The following AFDN variants were observed in gnomAD, a reference collection of about 807,000 sequenced individuals.
AFDN encodes afadin.
AFDN carries 68 observed loss-of-function variants against 216.6 expected under a neutral mutation model. The ratio of observed to expected loss-of-function variants is 0.31; its 90% CI spans 0.26 to 0.38. The LOEUF (loss-of-function observed/expected upper bound fraction) is 0.38, where lower values mean the gene tolerates loss of function less well. AFDN is among the 10% of genes least tolerant of loss of function. The pLI is 1.00. For missense variants in AFDN, 2,136 were observed against 2,342.0 expected (o/e 0.91, Z 1.82); for synonymous variants, 868 against 853.7 (o/e 1.02, Z -0.29).
rs912823789 is a variant in AFDN at position 167,970,662 on chromosome 6, T to G, written c.*727T>G. 1 of 209,228 alleles carries G rather than the reference T, an allele frequency of 4.8e-6. No individual in the cohort carries two copies. The highest frequency in any genetic ancestry group is 2.3e-5 in the African/African-American group (1 of 44,110). 13.0% of individuals were successfully genotyped at this position (209,228 alleles called of 1,614,324 possible). ...GGATTTAAGCTTAGGGGATTTTATTTTTATAAATACCAGATTATTGTTAGA... is the reference window on the plus strand; with the variant it reads ...GGATTTAAGCTTAGGGGATTTTATTGTTATAAATACCAGATTATTGTTAGA... On this transcript the variant is annotated 3_prime_UTR_variant, in exon 34 of 34. Coordinates refer to ENST00000683244, the MANE Select transcript of AFDN (RefSeq NM_001386888.1).
chr6:167,857,118 A>G (rs565758497), intron 1 of AFDN, among the ~76,000 whole-genome samples: 3 of 152,264 alleles, frequency 2.0e-5, no homozygotes, highest in South Asian at 4.1e-4. Flanking sequence ...ATGGAAGAGG[A>G]AAGTATCTTG....
rs1326466203 is a variant in AFDN at position 167,951,213 on chromosome 6, C to T, written c.3859C>T (p.Arg1287Ter). Residue 1287 changes from arginine to a stop codon, truncating the protein, a stop_gained, in exon 30 of 34, where the codon CGA (arginine) becomes TGA (stop). Coordinates refer to ENST00000683244, the MANE Select transcript of AFDN (RefSeq NM_001386888.1). LOFTEE classifies it high-confidence loss of function. This position sits in a 1 kb window ranked among gnomAD's most constrained non-coding sequence, Gnocchi z 7.1. ...QRVTRSQEEL[R>*]EDKAYQLERH... ...TGTTACACGTTCCCAAGAAGAACTT[C>T]GAGAAGATAAAGCTTACCAACTTGA... 1 of 1,568,198 alleles carries T rather than the reference C, an allele frequency of 6.4e-7. No individual in the cohort carries two copies. The highest frequency in any genetic ancestry group is 8.6e-7 in the Non-Finnish European group (1 of 1,160,348).
chr6:167,844,119 T>G (rs1011336197), intron 1 of AFDN, among the ~76,000 whole-genome samples: 5 of 152,052 alleles, frequency 3.3e-5, no homozygotes, highest in Admixed American at 6.6e-5. Flanking sequence ...ACATAGCCAC[T>G]GTAAGGAATT....
chr6:167,942,628 T>C (rs939464335), intron 23 of AFDN, among the ~76,000 whole-genome samples: 4 of 152,332 alleles, frequency 2.6e-5, no homozygotes, highest in South Asian at 4.1e-4. Context: ...TGCTTTGATA[T>C]TTATTTACAG....
At chr6:167,943,588 T>G in intron 25 of AFDN, 113 bp downstream of exon 25, 1 of 811,196 alleles carries the variant, frequency 1.2e-6, no homozygotes, top group East Asian at 2.4e-5. Context: ...ATATTACTCT[T>G]TACCTTTTAT....
At position 167,943,202 on chromosome 6, in the gene AFDN, T is replaced by A; in HGVS notation, c.3165+8T>A. The stretch of plus-strand genomic sequence containing the variant: ...GGAGGTGCTGCAGATGTGGTCAGTA[T>A]CATTTTGAAAGAAGTACATTTTCAG... On this transcript the variant is annotated splice_region_variant and intron_variant, in intron 24 of 33. Transcript: ENST00000683244. 1 of 1,610,350 alleles carries A rather than the reference T, an allele frequency of 6.2e-7. No homozygotes were observed. Among genetic ancestry groups the A allele is most frequent in the South Asian group, 1.1e-5 (1 of 90,512 alleles).
intron 30 of AFDN, chr6:167,954,598 G>T: frequency 1.1e-6 from 1 of 924,012 alleles, no homozygotes; most frequent in South Asian, 1.8e-5. Context: ...TCTCCTTAGG[G>T]GTGTCCTCCA....
At chr6:167,842,852 C>T (rs1047749872) in intron 1 of AFDN, among the ~76,000 whole-genome samples, 6 of 152,034 alleles carry the variant, frequency 3.9e-5, no homozygotes, top group Non-Finnish European at 8.8e-5. Context: ...AAGTCCTCTG[C>T]CTTGGTGGTT....
intron 1 of AFDN, among the ~76,000 whole-genome samples, chr6:167,848,467 C>G (rs1202775395): frequency 6.6e-6 from 1 of 152,104 alleles, no homozygotes; most frequent in Non-Finnish European, 1.5e-5. Flanking sequence ...ATTCTGTTGT[C>G]CGTATTCTAT....
At chr6:167,885,546 T>C (rs907303751) in intron 6 of AFDN, among the ~76,000 whole-genome samples, 7 of 152,154 alleles carry the variant, frequency 4.6e-5, no homozygotes, top group African/African-American at 1.4e-4. Context: ...CACACACTTA[T>C]CAGTTAAGCT....
chr6:167,930,665 T>C (rs548162134), intron 23 of AFDN, among the ~76,000 whole-genome samples: 1 of 152,318 alleles, frequency 6.6e-6, no homozygotes, highest in South Asian at 2.1e-4. Flanking sequence ...TGTGGAGATT[T>C]TCTGCTTTGC....
intron 3 of AFDN, among the ~76,000 whole-genome samples, chr6:167,871,080 A>G (rs997945584): frequency 6.6e-5 from 10 of 152,110 alleles, no homozygotes; most frequent in African/African-American, 2.4e-4. Flanking sequence ...GGTTAAGAAT[A>G]TTTTTATGAA....
intron 30 of AFDN, among the ~76,000 whole-genome samples, chr6:167,953,875 T>C (rs1796249717): frequency 6.6e-6 from 1 of 152,228 alleles, no homozygotes; most frequent in East Asian, 1.9e-4. Context: ...TGTCTTTTCC[T>C]TCGCTGCATT....
chr6:167,951,755 G>A lies in AFDN; in HGVS notation c.4401G>A (p.Gln1467=). Residue 1467 remains glutamine (Q), a synonymous_variant, in exon 30 of 34, where the codon CAG becomes CAA. Coordinates refer to ENST00000683244, the MANE Select transcript of AFDN (RefSeq NM_001386888.1). The surrounding 1 kb of genome is among the most constrained non-coding windows in gnomAD (Gnocchi z 7.1). ...NPAPFSPLTA[Q]QMKPEKPSTL... ...CTCCGTTTTCTCCCCTGACTGCACA[G>A]CAGATGAAGCCCGAAAAGCCTTCCA... The A allele has an allele frequency of 6.2e-7, 1 of 1,614,160 alleles. No homozygotes were observed. Among genetic ancestry groups the A allele is most frequent in the Non-Finnish European group, 8.5e-7 (1 of 1,180,024 alleles).
At chr6:167,830,761 G>A (rs1016372329) in intron 1 of AFDN, among the ~76,000 whole-genome samples, 3 of 152,010 alleles carry the variant, frequency 2.0e-5, no homozygotes, top group Non-Finnish European at 2.9e-5. Flanking sequence ...GAAGTAATGT[G>A]GTGATTCATG....
intron 3 of AFDN, among the ~76,000 whole-genome samples, chr6:167,871,119 C>T (rs576399372): frequency 6.6e-6 from 1 of 150,868 alleles, no homozygotes; most frequent in African/African-American, 2.4e-5. Context: ...CCCCCCGCCC[C>T]GCCCCCCAAC....
chr6:167,962,776 C>A lies in AFDN; in HGVS notation c.4968+209C>A. ...CTGGACTGTCTCCAGATCCCCTTAT[C>A]TGCCAAGTTTTGTCTCCTTCAAACT... On this transcript the variant is annotated intron_variant, in intron 31 of 33. Transcript: ENST00000683244. The surrounding 1 kb of genome is among the most constrained non-coding windows in gnomAD (Gnocchi z 5.2). The A allele has an allele frequency of 7.1e-7, 1 of 1,400,694 alleles. No homozygotes were observed. Among genetic ancestry groups the A allele is most frequent in the Non-Finnish European group, 9.3e-7 (1 of 1,078,486 alleles). 86.8% of individuals were successfully genotyped at this position (1,400,694 alleles called of 1,614,324 possible). A position where few individuals can be genotyped will look rare whatever the true frequency, so the allele number is the denominator to read the frequency against.
intron 5 of AFDN, among the ~76,000 whole-genome samples, chr6:167,875,788 C>T (rs968509332): frequency 1.3e-5 from 2 of 151,984 alleles, no homozygotes; most frequent in African/African-American, 2.4e-5. Context: ...CTCCCGTGTA[C>T]GTATCACTGA....
chr6:167,886,688 T>C (rs1455421647), intron 6 of AFDN, among the ~76,000 whole-genome samples: 1 of 152,182 alleles, frequency 6.6e-6, no homozygotes, highest in African/African-American at 2.4e-5. Flanking sequence ...TTAGAATTGA[T>C]TAGTAACTGC....
Sources: allele counts gnomAD v4.1 joint callset (sites outside exome capture counted in the v4.1 genomes callset), GRCh38; gene constraint gnomAD v4.1.1; non-coding constraint Gnocchi (gnomAD v3.1); transcripts MANE v1.5; gene names NCBI Gene and HGNC (gene_info 2026-07-23, HGNC 2026-07-21).